Variants in VPS13B observed in about 807,000 individuals in gnomAD.
The protein encoded by VPS13B is intermembrane lipid transfer protein VPS13B.
Under a neutral mutation model 426.4 loss-of-function variants are expected in VPS13B, and 285 were observed. That is an observed-to-expected ratio of 0.67 (90% confidence interval 0.61 to 0.74). The LOEUF (loss-of-function observed/expected upper bound fraction) is 0.74, where lower values mean the gene tolerates loss of function less well. VPS13B is among the 30% of genes least tolerant of loss of function. The pLI is 0.00. For missense variants in VPS13B, 4,537 were observed against 4,782.6 expected (o/e 0.95, Z 1.51); for synonymous variants, 1,676 against 1,676.4 (o/e 1.00, Z 0.01).
At position 99,720,509 on chromosome 8, in the gene VPS13B, A is replaced by G; in HGVS notation, c.6822A>G (p.Ser2274=). ...KNQTFKSEQS[S]DDLRTGLFQY... ...AGACATTTAAAAGTGAACAAAGTTCAGATGACCTACGGACAGGTCTATTTC... is the reference window on the plus strand; with the variant it reads ...AGACATTTAAAAGTGAACAAAGTTCGGATGACCTACGGACAGGTCTATTTC... The change falls in exon 38 of 62, where the codon TCA becomes TCG. Residue 2274 remains serine, a synonymous_variant. Transcript: ENST00000357162. 1.2e-6 allele frequency: 2 copies of G among 1,614,050 alleles called. No homozygotes were observed. The highest frequency in any genetic ancestry group is 1.7e-6 in the Non-Finnish European group (2 of 1,179,930).
At chr8:99,534,139 T>C (rs1823069020) in intron 30 of VPS13B, among the ~76,000 whole-genome samples, 1 of 152,186 alleles carries the variant, frequency 6.6e-6, no homozygotes. Context: ...TTTGAAAATA[T>C]TATCGGCAGA....
intron 54 of VPS13B, among the ~76,000 whole-genome samples, chr8:99,844,760 A>G (rs539678059): frequency 2.0e-5 from 3 of 152,184 alleles, no homozygotes; most frequent in Non-Finnish European, 4.4e-5. Context: ...CAGCGTATGA[A>G]TTTTGGGGGA....
rs1267695807 is a variant in VPS13B at position 99,511,264 on chromosome 8, A to G, written c.4385A>G (p.His1462Arg). The G allele has an allele frequency of 6.2e-7, 1 of 1,614,036 alleles. No individual in the cohort carries two copies. The highest frequency in any genetic ancestry group is 8.5e-7 in the Non-Finnish European group (1 of 1,179,978). The part of the protein sequence containing the change: ...LSEGLMDGSP[H>R]FLHEILLSAQ... ...GAAGGCCTAATGGATGGTTCTCCTC[A>G]TTTTCTTCATGAAATTCTTCTTTCA... The change falls in exon 29 of 62, where the codon CAT becomes CGT. Residue 1462 changes from histidine to arginine, a missense_variant. Around this residue, in one of 2 missense-constraint regions of VPS13B, gnomAD observed 4,311 missense variants for 4,474.3 expected, o/e 0.96. Transcript: ENST00000357162.
chr8:99,779,281 A>C (rs1811895559), intron 42 of VPS13B, among the ~76,000 whole-genome samples: 1 of 152,140 alleles, frequency 6.6e-6, no homozygotes, highest in African/African-American at 2.4e-5. Flanking sequence ...TGACTAATGC[A>C]CCACATCTGT....
Position 99,147,997 on chromosome 8 carries a change from T to C in VPS13B, c.2000T>C (p.Ile667Thr), listed in dbSNP as rs780221240. Residue 667 changes from isoleucine to threonine, a missense_variant, in exon 14 of 62, where the codon ATT becomes ACT. Transcript: ENST00000357162. ...TTGCTGGACCATTTACTACCTGTCA[T>C]TATGGGAGAAAAGGTATATTTTGTG... ...FNLLDHLLPV[I>T]MGEKNSSNFM... 2 of 1,613,324 alleles carry C rather than the reference T, an allele frequency of 1.2e-6. No homozygotes were observed. Among genetic ancestry groups the C allele is most frequent in the South Asian group, 2.2e-5 (2 of 91,068 alleles).
chr8:99,743,535 A>G (rs1296545999), intron 39 of VPS13B, among the ~76,000 whole-genome samples: 2 of 152,182 alleles, frequency 1.3e-5, no homozygotes, highest in African/African-American at 4.8e-5. Flanking sequence ...AGCCAAAACA[A>G]CAAAGCTGGA....
intron 19 of VPS13B, among the ~76,000 whole-genome samples, chr8:99,334,003 T>A (rs1341138509): frequency 6.6e-6 from 1 of 151,968 alleles, no homozygotes; most frequent in Non-Finnish European, 1.5e-5. Context: ...TATTTTGTGG[T>A]TATTGTGTTT....
Position 99,291,163 on chromosome 8 carries a change from C to T in VPS13B, c.2824+15909C>T, listed in dbSNP as rs941887063. Among the ~76,000 whole-genome samples, 18 of 151,892 alleles carry T rather than the reference C, an allele frequency of 1.2e-4. No individual in the cohort carries two copies. In the East Asian group the frequency reaches 2.5e-3, roughly 21 times the overall value. On this transcript the variant is annotated intron_variant, in intron 19 of 61. Coordinates refer to ENST00000357162, the MANE Select transcript of VPS13B (RefSeq NM_152564.5). ...GTGGAATATTAATGGGTTGGAATTA[C>T]AGGAGGTGATTAATTGAATATGTTG...
intron 19 of VPS13B, among the ~76,000 whole-genome samples, chr8:99,318,660 C>G (rs1359503148): frequency 6.6e-6 from 1 of 152,122 alleles, no homozygotes; most frequent in Non-Finnish European, 1.5e-5. Context: ...GCTGGGACTA[C>G]AGGCACGCAC....
chr8:99,659,302 G>A (rs1309994601), intron 34 of VPS13B, among the ~76,000 whole-genome samples: 2 of 151,802 alleles, frequency 1.3e-5, no homozygotes, highest in Non-Finnish European at 2.9e-5. Context: ...ATCCTCCACT[G>A]GTTTTTCTGT....
At chr8:99,755,325 C>A (rs1258910034) in intron 39 of VPS13B, among the ~76,000 whole-genome samples, 1 of 152,142 alleles carries the variant, frequency 6.6e-6, no homozygotes, top group Non-Finnish European at 1.5e-5. Context: ...TAGCTGACTA[C>A]TACACTAACC....
intron 42 of VPS13B, among the ~76,000 whole-genome samples, chr8:99,782,822 A>G (rs909232445): frequency 1.3e-5 from 2 of 152,154 alleles, no homozygotes; most frequent in African/African-American, 4.8e-5. Flanking sequence ...CATTGCTACC[A>G]ATTAAAATCC....
At chr8:99,047,478 G>C (rs763096460) in intron 3 of VPS13B, among the ~76,000 whole-genome samples, 3 of 151,880 alleles carry the variant, frequency 2.0e-5, no homozygotes, top group Non-Finnish European at 4.4e-5. Flanking sequence ...TAAAGAACCA[G>C]CTTTTTGTTT....
At chr8:99,354,951 A>G (rs1812101662) in intron 19 of VPS13B, among the ~76,000 whole-genome samples, 1 of 152,182 alleles carries the variant, frequency 6.6e-6, no homozygotes, top group Non-Finnish European at 1.5e-5. Flanking sequence ...TAAAAAACAG[A>G]CAAACAAAAA....
intron 4 of VPS13B, among the ~76,000 whole-genome samples, chr8:99,101,420 C>T (rs1371690548): frequency 6.6e-6 from 1 of 152,198 alleles, no homozygotes; most frequent in Non-Finnish European, 1.5e-5. Flanking sequence ...GCGTGAGCCA[C>T]CGTGCTTGGC....
intron 21 of VPS13B, among the ~76,000 whole-genome samples, chr8:99,430,564 A>T (rs1403176968): frequency 1.3e-5 from 2 of 152,204 alleles, no homozygotes; most frequent in Non-Finnish European, 2.9e-5. Context: ...TTATGAAAAC[A>T]TGGTTGAAAT....
intron 57 of VPS13B, among the ~76,000 whole-genome samples, chr8:99,861,044 C>G (rs1816806511): frequency 6.6e-6 from 1 of 152,182 alleles, no homozygotes; most frequent in Non-Finnish European, 1.5e-5. Context: ...TGAAGTATTT[C>G]TTTATAATCT....
At chr8:99,754,893 C>T (rs1810563220) in intron 39 of VPS13B, among the ~76,000 whole-genome samples, 1 of 152,042 alleles carries the variant, frequency 6.6e-6, no homozygotes, top group Non-Finnish European at 1.5e-5. Context: ...ACCCCCATGC[C>T]CCCACTCCCT....
chr8:99,229,730 C>T (rs1019208690), intron 17 of VPS13B, among the ~76,000 whole-genome samples: 1 of 152,070 alleles, frequency 6.6e-6, no homozygotes, highest in Non-Finnish European at 1.5e-5. Flanking sequence ...AAAGAGATTA[C>T]AGGGAAACAA....
Sources: allele counts gnomAD v4.1 joint callset (sites outside exome capture counted in the v4.1 genomes callset), GRCh38; gene constraint gnomAD v4.1.1; regional missense constraint gnomAD v4.1.1; transcripts MANE v1.5; gene names NCBI Gene and HGNC (gene_info 2026-07-23, HGNC 2026-07-21).